ADGRF1: variants seen among roughly 807,000 people sequenced by gnomAD.
The protein encoded by ADGRF1 is G protein-coupled receptor 110.
ADGRF1 carries 85 observed loss-of-function variants against 87.2 expected under a neutral mutation model. The observed-to-expected ratio is 0.97, with a 90% CI of 0.82 to 1.17. ADGRF1 has a LOEUF of 1.17. Among genes scored for constraint, ADGRF1 ranks in the 50% most tolerant of loss-of-function variants. ADGRF1 has a pLI of 0.00. For missense variants in ADGRF1, 1,169 were observed against 1,077.2 expected (o/e 1.09, Z -1.19); for synonymous variants, 430 against 408.8 (o/e 1.05, Z -0.63).
At chr6:47,039,545 C>T (rs1561885133) in intron 1 of ADGRF1, among the ~76,000 whole-genome samples, 2 of 152,194 alleles carry the variant, frequency 1.3e-5, no homozygotes, top group Non-Finnish European at 1.5e-5. Flanking sequence ...GTTTTGTGTA[C>T]TATGGGTTGA....
At chr6:47,016,500 G>T in intron 8 of ADGRF1, 117 bp downstream of exon 8, 1 of 1,150,594 alleles carries the variant, frequency 8.7e-7, no homozygotes, top group Non-Finnish European at 1.2e-6. Flanking sequence ...TGTGCTGAAA[G>T]GCAGTTAGAG....
chr6:47,009,124 T>C lies in ADGRF1; in HGVS notation c.2311A>G (p.Arg771Gly), dbSNP rs563705836. Residue 771 changes from arginine to glycine, a missense_variant, in exon 11 of 15, where the codon AGG (arginine) becomes GGG (glycine). Arg to Gly is a moderately radical substitution (Grantham distance 125). Coordinates refer to ENST00000371253, the MANE Select transcript of ADGRF1 (RefSeq NM_153840.4). Reference sequence around the variant, plus strand: ...CTCAGTCTTTCCCCAACAGTCGGCCTCCAGAGCTTTGTGAGAACTAGCAGC... The same window carrying C: ...CTCAGTCTTTCCCCAACAGTCGGCCCCCAGAGCTTTGTGAGAACTAGCAGC... ...VVLLVLTKLW[R>G]PTVGERLSRD... 6.2e-7 allele frequency: 1 copy of C among 1,613,996 alleles called. No individual in the cohort carries two copies. Among genetic ancestry groups the C allele is most frequent in the Non-Finnish European group, 8.5e-7 (1 of 1,180,022 alleles).
chr6:47,029,080 C>G lies in ADGRF1; in HGVS notation c.-19G>C, dbSNP rs1457660531. The stretch of plus-strand genomic sequence containing the variant: ...CTTTCATTTTCCCTGGACTGAACAG[C>G]AGCAGTCGGGTGCATAGTCTGTGAC... On this transcript the variant is annotated 5_prime_UTR_variant, in exon 2 of 15. Coordinates refer to ENST00000371253, the MANE Select transcript of ADGRF1 (RefSeq NM_153840.4). The G allele has an allele frequency of 1.9e-6, 3 of 1,608,702 alleles. No homozygotes were observed. The highest frequency in any genetic ancestry group is 2.6e-6 in the Non-Finnish European group (3 of 1,175,080).
intron 13 of ADGRF1, among the ~76,000 whole-genome samples, chr6:47,002,652 G>C (rs1470334163): frequency 6.6e-6 from 1 of 152,130 alleles, no homozygotes; most frequent in East Asian, 1.9e-4. Context: ...GAAACACTTA[G>C]CCAAATAACA....
chr6:47,006,736 C>A (rs2113877696), intron 12 of ADGRF1, among the ~76,000 whole-genome samples: 1 of 152,262 alleles, frequency 6.6e-6, no homozygotes, highest in South Asian at 2.1e-4. Context: ...GTCTTTGCAT[C>A]CTCAAAGCTT....
At chr6:47,022,843 T>G (rs74896220) in intron 5 of ADGRF1, among the ~76,000 whole-genome samples, 1 of 149,766 alleles carries the variant, frequency 6.7e-6, no homozygotes, top group African/African-American at 2.5e-5. Context: ...CTCACTTTTG[T>G]CACCTAGGCT....
At chr6:47,010,621 T>C (rs1408544269) in intron 10 of ADGRF1, among the ~76,000 whole-genome samples, 1 of 152,216 alleles carries the variant, frequency 6.6e-6, no homozygotes, top group East Asian at 1.9e-4. Flanking sequence ...ACACATGTGA[T>C]GTGCATTTCC....
intron 1 of ADGRF1, among the ~76,000 whole-genome samples, chr6:47,032,143 C>A (rs1038964266): frequency 6.6e-6 from 1 of 152,060 alleles, no homozygotes; most frequent in African/African-American, 2.4e-5. Flanking sequence ...GTTGTGGCAC[C>A]TGTGGCCTCC....
intron 10 of ADGRF1, among the ~76,000 whole-genome samples, chr6:47,011,460 T>G (rs1455789300): frequency 2.0e-5 from 3 of 152,258 alleles, no homozygotes; most frequent in Non-Finnish European, 4.4e-5. Flanking sequence ...CACTTGTCAT[T>G]CTTCTAGGTA....
At chr6:47,013,827 G>C (rs1467437365) in intron 9 of ADGRF1, 1 of 183,302 alleles carries the variant, frequency 5.5e-6, no homozygotes, top group African/African-American at 2.4e-5. Context: ...CACAAGATCT[G>C]GTTGTTTAAA....
At position 47,024,078 on chromosome 6, in the gene ADGRF1, G is replaced by T; in HGVS notation, c.417C>A (p.Asn139Lys). The stretch of plus-strand genomic sequence containing the variant: ...CACAGAAATTGACACTCTGGCTGAG[G>T]TTGTTGAGATGACATTCACAGCTTG... ...ALPSCECHLN[N>K]LSQSVNFCER... The change falls in exon 5 of 15, where the codon AAC becomes AAA. Residue 139 changes from asparagine to lysine, a missense_variant. Asn to Lys is a moderately conservative substitution (Grantham distance 94, BLOSUM62 0). Coordinates refer to ENST00000371253, the MANE Select transcript of ADGRF1 (RefSeq NM_153840.4). 1.2e-6 allele frequency: 2 copies of T among 1,614,098 alleles called. No homozygotes were observed. Among genetic ancestry groups the T allele is most frequent in the South Asian group, 1.1e-5 (1 of 91,068 alleles).
Position 47,000,115 on chromosome 6 carries a change from T to C in ADGRF1, c.*107A>G. The stretch of plus-strand genomic sequence containing the variant: ...CATTCTTGTTTTATTCCCAGACCCC[T>C]AAATCAGAAAACCCGATCGAATACT... On this transcript the variant is annotated 3_prime_UTR_variant, in exon 15 of 15. Transcript: ENST00000371253. 2.5e-6 allele frequency: 2 copies of C among 807,328 alleles called. No individual in the cohort carries two copies. The highest frequency in any genetic ancestry group is 4.2e-6 in the Non-Finnish European group (2 of 481,502). The allele number at this position is 807,328 out of a possible 1,614,324, so 50.0% of individuals were successfully genotyped here.
At chr6:47,012,655 C>T (rs1779742272) in intron 9 of ADGRF1, 1 of 988,578 alleles carries the variant, frequency 1.0e-6, no homozygotes, top group Non-Finnish European at 1.2e-6. Context: ...TGGTAGTAAT[C>T]CTGTTATGTT....
chr6:47,018,278 C>T (rs931610348), intron 7 of ADGRF1: 5 of 736,732 alleles, frequency 6.8e-6, no homozygotes, highest in African/African-American at 1.9e-5. Context: ...TAAGTCAATC[C>T]TGCAATAACT....
In ADGRF1 at chr6:47,009,983, C is replaced by T. The variant is rs747473884; in HGVS notation, c.1452G>A (p.Ser484=). The T allele has an allele frequency of 6.8e-5, 110 of 1,613,970 alleles. 1 individual carries two copies. Among genetic ancestry groups the T allele is most frequent in the Non-Finnish European group, 8.6e-5 (101 of 1,179,996 alleles). The part of the protein sequence containing the change: ...SLPETIISMA[S]LTLGNILPVS... ...CGGGTAGAATGTTCCCCAGAGTCAA[C>T]GAGGCCATGCTGATAATAGTTTCTG... The change falls in exon 11 of 15, where the codon TCG becomes TCA. Residue 484 remains serine, a synonymous_variant. Transcript: ENST00000371253.
chr6:47,006,571 G>C (rs914491228), intron 12 of ADGRF1, among the ~76,000 whole-genome samples: 2 of 152,014 alleles, frequency 1.3e-5, no homozygotes, highest in Non-Finnish European at 2.9e-5. Flanking sequence ...AGTGGTGTTT[G>C]GTTACATGAG....
intron 8 of ADGRF1, among the ~76,000 whole-genome samples, 157 bp from the exon 9 acceptor site, chr6:47,015,001 C>T (rs557052948): frequency 1.3e-5 from 2 of 152,302 alleles, no homozygotes; most frequent in East Asian, 1.9e-4. Context: ...TGATGTCCTG[C>T]TTCATCCCTC....
At chr6:47,002,015 G>C (rs1288444164) in intron 13 of ADGRF1, 1 of 170,160 alleles carries the variant, frequency 5.9e-6, no homozygotes, top group Non-Finnish European at 1.3e-5. Flanking sequence ...TGACGCTTTG[G>C]TCATTGCTAC....
intron 1 of ADGRF1, among the ~76,000 whole-genome samples, chr6:47,041,851 T>C (rs1188049575): frequency 1.3e-5 from 2 of 152,224 alleles, no homozygotes; most frequent in African/African-American, 4.8e-5. Context: ...AACAAGTATC[T>C]TTGGTGGAGC....
Sources: gnomAD v4.1 joint callset for allele counts (sites outside exome capture counted in the v4.1 genomes callset) on GRCh38, gnomAD v4.1.1 for gene constraint, MANE v1.5 for transcripts, NCBI Gene and HGNC (gene_info 2026-07-23, HGNC 2026-07-21) for gene names.